Variants in NRG1 observed in about 807,000 individuals in gnomAD.
The protein encoded by NRG1 is pro-neuregulin-1, membrane-bound isoform.
In NRG1, 18 loss-of-function variants were observed where a neutral mutation model predicts 63.8. That is an observed-to-expected ratio of 0.28 (90% CI 0.19 to 0.42). The LOEUF (loss-of-function observed/expected upper bound fraction) is 0.42. Among genes scored for constraint, NRG1 ranks in the 10% least tolerant of loss-of-function variants. The pLI is 1.00. For synonymous variants in NRG1, 302 were observed against 301.3 expected (o/e 1.00, Z -0.02); for missense variants, 762 against 814.7 (o/e 0.94, Z 0.79).
chr8:31,964,328 C>A (rs917280240), intron 1 of NRG1, among the ~76,000 whole-genome samples: 10 of 152,156 alleles, frequency 6.6e-5, no homozygotes, highest in African/African-American at 2.4e-4. Flanking sequence ...ATGAAGTGGA[C>A]ATTGTTTTGA....
intron 5 of NRG1, among the ~76,000 whole-genome samples, chr8:32,639,950 T>C (rs1422163855): frequency 2.0e-5 from 3 of 152,206 alleles, no homozygotes; most frequent in African/African-American, 7.2e-5. Context: ...ATCATTTTCA[T>C]TAAATAAGAT....
chr8:32,033,559 A>G (rs756524647), intron 1 of NRG1, among the ~76,000 whole-genome samples: 18 of 152,114 alleles, frequency 1.2e-4, no homozygotes, highest in Non-Finnish European at 1.8e-4. Flanking sequence ...TTTTCACAGT[A>G]TTGATTCTTC....
rs1851484288 is a variant in NRG1, at chr8:32,637,087, AG to A, written c.502+20203del. ...AAACACCATGAAAAATTTTTTAAAA[AG>A]TTCCAGCATTTTATTATGAAATTTT... On this transcript the variant is annotated intron_variant, in intron 5 of 11. Coordinates refer to ENST00000356819, the Ensembl canonical transcript of NRG1. Among the ~76,000 whole-genome samples the A allele has an allele frequency of 2.0e-5, 3 of 152,266 alleles. No individual in the cohort carries two copies. In the South Asian group the frequency reaches 6.2e-4, roughly 32 times the overall value.
intron 1 of NRG1, among the ~76,000 whole-genome samples, chr8:31,642,660 TA>T (rs534964204): frequency 6.6e-6 from 1 of 152,182 alleles, no homozygotes; most frequent in Non-Finnish European, 1.5e-5. Flanking sequence ...TGGCACGTTT[TA>T]AAAAAATGGG....
intron 1 of NRG1, among the ~76,000 whole-genome samples, chr8:31,729,593 G>A (rs1291958904): frequency 6.6e-6 from 1 of 152,002 alleles, no homozygotes; most frequent in Non-Finnish European, 1.5e-5. Context: ...TCTTATCAAG[G>A]AGGAAAAAGG....
chr8:31,643,298 G>C (rs1337694434), intron 1 of NRG1, among the ~76,000 whole-genome samples: 1 of 152,168 alleles, frequency 6.6e-6, no homozygotes, highest in African/African-American at 2.4e-5. Flanking sequence ...AGAAGGAATA[G>C]AGCAAAGTCA....
chr8:32,179,323 A>G (rs1841178027), intron 1 of NRG1, among the ~76,000 whole-genome samples: 1 of 152,140 alleles, frequency 6.6e-6, no homozygotes, highest in African/African-American at 2.4e-5. Flanking sequence ...CCTCCCTGAC[A>G]ACAACACATC....
chr8:32,619,488 G>A lies in NRG1; in HGVS notation c.502+2603G>A, dbSNP rs76946189. ...CACTCTGGCTCCTGTGTGAAGAATG[G>A]CTCACTGGGAGGAAGGGTAGAATCC... On this transcript the variant is annotated intron_variant, in intron 5 of 11. Coordinates refer to ENST00000356819, the Ensembl canonical transcript of NRG1. Among the ~76,000 whole-genome samples, 580 of 152,282 alleles carry A rather than the reference G, an allele frequency of 3.8e-3. 7 individuals are homozygous for A. Among genetic ancestry groups the A allele is most frequent in the African/African-American group, 0.014 (564 of 41,552 alleles).
At chr8:31,674,912 T>C (rs1189127540) in intron 1 of NRG1, among the ~76,000 whole-genome samples, 1 of 152,210 alleles carries the variant, frequency 6.6e-6, no homozygotes, top group Non-Finnish European at 1.5e-5. Flanking sequence ...TATCCTTTCC[T>C]TACTCCATTT....
At chr8:31,882,371 A>G (rs1055376239) in intron 1 of NRG1, among the ~76,000 whole-genome samples, 2 of 151,044 alleles carry the variant, frequency 1.3e-5, no homozygotes, top group Non-Finnish European at 3.0e-5. Context: ...TTTTAAAAAT[A>G]TTACTGCTCA....
At chr8:32,173,408 A>G (rs1346800793) in intron 1 of NRG1, among the ~76,000 whole-genome samples, 2 of 152,176 alleles carry the variant, frequency 1.3e-5, no homozygotes, top group Non-Finnish European at 1.5e-5. Flanking sequence ...AAAGACCATC[A>G]AAGCTAGGAA....
rs555000093 is a variant in NRG1, at chr8:32,190,774, T to A, written c.38-405054T>A. Among the ~76,000 whole-genome samples the A allele has an allele frequency of 1.4e-3, 218 of 152,218 alleles. 1 individual carries two copies. Among genetic ancestry groups the A allele is most frequent in the African/African-American group, 4.8e-3 (199 of 41,546 alleles). Reference sequence around the variant, plus strand: ...AGATACAAGATTCCTGGGTCAGAGATGAAGGATAGTTTATTGCTACAGGAT... The same window carrying A: ...AGATACAAGATTCCTGGGTCAGAGAAGAAGGATAGTTTATTGCTACAGGAT... On this transcript the variant is annotated intron_variant, in intron 1 of 10. Coordinates refer to the NRG1 transcript ENST00000519301.
At chr8:31,712,656 A>G (rs1221388338) in intron 1 of NRG1, among the ~76,000 whole-genome samples, 1 of 152,200 alleles carries the variant, frequency 6.6e-6, no homozygotes, top group Non-Finnish European at 1.5e-5. Context: ...CTGTCATTGA[A>G]GAAATTCTTG....
chr8:31,942,507 G>A (rs189860350), intron 1 of NRG1, among the ~76,000 whole-genome samples: 7 of 151,954 alleles, frequency 4.6e-5, no homozygotes, highest in Admixed American at 4.6e-4. Context: ...GAACCCAAAA[G>A]TAAATGCAAC....
chr8:32,764,038 T>C (rs1589663348), exon 12 of NRG1: 1 of 1,613,634 alleles, frequency 6.2e-7, no homozygotes, highest in South Asian at 1.1e-5. Flanking sequence ...TTGAGGATAG[T>C]GGAGGATGAG....
intron 1 of NRG1, among the ~76,000 whole-genome samples, chr8:31,750,737 G>T (rs1308606592): frequency 6.6e-6 from 1 of 151,824 alleles, no homozygotes; most frequent in Admixed American, 6.6e-5. Flanking sequence ...CCTACTAAAT[G>T]AGCATTGCCT....
At chr8:31,802,243 G>A (rs186036686) in intron 1 of NRG1, among the ~76,000 whole-genome samples, 35 of 152,242 alleles carry the variant, frequency 2.3e-4, no homozygotes, top group Non-Finnish European at 5.0e-4. Context: ...AATAGTGCAA[G>A]CAAGTTTCCT....
At chr8:32,661,924 C>A (rs1444014496) in intron 5 of NRG1, among the ~76,000 whole-genome samples, 2 of 152,052 alleles carry the variant, frequency 1.3e-5, no homozygotes, top group Non-Finnish European at 2.9e-5. Context: ...GAAGAAATAA[C>A]ACCTAGTGTT....
intron 5 of NRG1, among the ~76,000 whole-genome samples, chr8:32,702,622 G>A (rs1335833170): frequency 1.3e-5 from 2 of 152,116 alleles, no homozygotes; most frequent in African/African-American, 4.8e-5. Flanking sequence ...GAGTAGCTGG[G>A]ATTACAGGCA....
Sources: allele counts gnomAD v4.1 joint callset (sites outside exome capture counted in the v4.1 genomes callset), GRCh38; gene constraint gnomAD v4.1.1; transcripts MANE v1.5; gene names NCBI Gene and HGNC (gene_info 2026-07-23, HGNC 2026-07-21).